Variants in NTN1 observed in about 807,000 individuals in gnomAD.
NTN1 encodes netrin-1.
NTN1 carries 11 observed loss-of-function variants against 54.2 expected under a neutral mutation model. That is an observed-to-expected ratio of 0.20 (90% CI 0.13 to 0.34). The LOEUF (loss-of-function observed/expected upper bound fraction) is 0.34, where lower values mean the gene tolerates loss of function less well. Among genes scored for constraint, NTN1 ranks in the 10% least tolerant of loss-of-function variants. The pLI is 1.00. For synonymous variants in NTN1, 371 were observed against 382.0 expected (o/e 0.97, Z 0.33); for missense variants, 740 against 893.1 (o/e 0.83, Z 2.18).
the NTN1 span, among the ~76,000 whole-genome samples, chr17:9,008,758 C>A: frequency 1.3e-5 from 2 of 152,198 alleles, no homozygotes; most frequent in Non-Finnish European, 2.9e-5. Flanking sequence ...AGATTACTAT[C>A]CACATTTTTC....
chr17:9,149,613 C>T (rs1427812310), intron 2 of NTN1, among the ~76,000 whole-genome samples: 3 of 152,132 alleles, frequency 2.0e-5, no homozygotes, highest in Non-Finnish European at 4.4e-5. Flanking sequence ...ATCTCTTCTT[C>T]TACAAGAGGG....
chr17:9,220,785 G>A (rs1363163924), intron 5 of NTN1, among the ~76,000 whole-genome samples: 1 of 152,106 alleles, frequency 6.6e-6, no homozygotes, highest in Non-Finnish European at 1.5e-5. Flanking sequence ...CAGACCCAGG[G>A]CGCGGGGTGA....
At chr17:9,179,709 G>A in intron 3 of NTN1, 98 bp from the exon 4 acceptor site, 5 of 1,435,152 alleles carry the variant, frequency 3.5e-6, no homozygotes, top group South Asian at 1.4e-5. Flanking sequence ...TTCCTCCAGG[G>A]CAGGGTCCAT....
chr17:9,192,121 A>G (rs1904479499), intron 5 of NTN1, among the ~76,000 whole-genome samples: 1 of 152,198 alleles, frequency 6.6e-6, no homozygotes, highest in Non-Finnish European at 1.5e-5. Flanking sequence ...TATGAAGGGT[A>G]ATTTGGCATT....
chr17:9,204,290 TTCTC>T (rs72069347), intron 5 of NTN1, among the ~76,000 whole-genome samples: 2,790 of 143,516 alleles, frequency 0.019, 102 homozygotes, highest in African/African-American at 0.071. Context: ...CTCTATCTCT[TTCTC>T]TCTCTCTCTC....
intron 5 of NTN1, among the ~76,000 whole-genome samples, chr17:9,188,369 A>G (rs1904341053): frequency 6.6e-6 from 1 of 150,604 alleles, no homozygotes; most frequent in Non-Finnish European, 1.5e-5. Flanking sequence ...TGGAGGTTGC[A>G]GTGAGCTGAG....
At chr17:9,213,182 GC>G (rs1905149046) in intron 5 of NTN1, among the ~76,000 whole-genome samples, 2 of 152,242 alleles carry the variant, frequency 1.3e-5, no homozygotes. Context: ...TGGGCCTGCT[GC>G]GAGCCAGGCA....
At position 9,116,848 on chromosome 17, in the gene NTN1, C is replaced by T. The variant is rs116876265; in HGVS notation, c.1019-45965C>T. On this transcript the variant is annotated intron_variant, in intron 2 of 6. Transcript: ENST00000173229. Reference sequence around the variant, plus strand: ...GAAGGAGAAAGGTGGAGGCATATTCCACTCTATGAAAGGACGAGTATGGGA... The same window carrying T: ...GAAGGAGAAAGGTGGAGGCATATTCTACTCTATGAAAGGACGAGTATGGGA... Among the ~76,000 whole-genome samples the T allele has an allele frequency of 3.4e-4, 51 of 151,558 alleles. 1 individual carries two copies. In the East Asian group the frequency reaches 9.5e-3, roughly 28 times the overall value.
chr17:9,137,508 G>A lies in NTN1; in HGVS notation c.1019-25305G>A, dbSNP rs767964440. On this transcript the variant is annotated intron_variant, in intron 2 of 6. Coordinates refer to ENST00000173229, the MANE Select transcript of NTN1 (RefSeq NM_004822.3). ...GTGTCTCTACCTGTAAGAGTTGACCGGCGGCCTGGCACAATGGCTCACGCC... is the reference window on the plus strand; with the variant it reads ...GTGTCTCTACCTGTAAGAGTTGACCAGCGGCCTGGCACAATGGCTCACGCC... 4.6e-5 allele frequency among the ~76,000 whole-genome samples: 7 copies of A among 152,262 alleles called. 1 individual carries two copies. Among genetic ancestry groups the A allele is most frequent in the South Asian group, 4.2e-4 (2 of 4,814 alleles).
chr17:9,160,863 G>A (rs1309992173), intron 2 of NTN1, among the ~76,000 whole-genome samples: 1 of 152,088 alleles, frequency 6.6e-6, no homozygotes. Context: ...AGGCTGAGGT[G>A]GGAGGATCTG....
intron 3 of NTN1, chr17:9,176,083 A>C (rs1447917725): frequency 6.6e-6 from 1 of 151,540 alleles, no homozygotes; most frequent in Non-Finnish European, 1.5e-5. Context: ...CTCACCAGAC[A>C]CCCCCACCAC....
chr17:9,204,403 T>C (rs1053775762), intron 5 of NTN1, among the ~76,000 whole-genome samples: 4 of 152,028 alleles, frequency 2.6e-5, no homozygotes, highest in African/African-American at 9.7e-5. Context: ...AAGTGATTCT[T>C]CTGCCTCAGC....
intron 2 of NTN1, among the ~76,000 whole-genome samples, chr17:9,032,156 C>T (rs935009224): frequency 6.6e-6 from 1 of 151,980 alleles, no homozygotes; most frequent in Non-Finnish European, 1.5e-5. Context: ...CAGGGAGGGG[C>T]CGAGGGTCTT....
chr17:9,081,395 A>G (rs576608622), intron 2 of NTN1, among the ~76,000 whole-genome samples: 3 of 152,060 alleles, frequency 2.0e-5, no homozygotes, highest in African/African-American at 7.2e-5. Flanking sequence ...TTAATCTTTG[A>G]CGTCTCAACC....
chr17:9,013,418 G>T, the NTN1 span, among the ~76,000 whole-genome samples: 6 of 152,070 alleles, frequency 3.9e-5, no homozygotes, highest in Non-Finnish European at 8.8e-5. Context: ...GTTTCTCCAT[G>T]TTGGTCAGGC....
chr17:9,192,469 AG>A (rs936490896), intron 5 of NTN1, among the ~76,000 whole-genome samples: 2 of 152,186 alleles, frequency 1.3e-5, no homozygotes, highest in African/African-American at 4.8e-5. Flanking sequence ...TTCTGTTTGT[AG>A]ATTTCAGTGG....
chr17:9,099,458 T>C (rs1411130501), intron 2 of NTN1, among the ~76,000 whole-genome samples: 3 of 152,202 alleles, frequency 2.0e-5, no homozygotes, highest in Non-Finnish European at 2.9e-5. Context: ...AGTAATTTAT[T>C]TGACCAAACA....
intron 2 of NTN1, among the ~76,000 whole-genome samples, chr17:9,049,191 G>T (rs1016615654): frequency 6.6e-6 from 1 of 152,228 alleles, no homozygotes; most frequent in African/African-American, 2.4e-5. Flanking sequence ...CAAAAAGTTC[G>T]TGGTAATAGT....
intron 5 of NTN1, among the ~76,000 whole-genome samples, chr17:9,193,079 C>CAAAA (rs528295578): frequency 9.4e-6 from 1 of 105,928 alleles, no homozygotes; most frequent in African/African-American, 3.6e-5. Context: ...GACTCTGTCT[C>CAAAA]AAAAAAAAAA....
Sources: gnomAD v4.1 joint callset for allele counts (sites outside exome capture counted in the v4.1 genomes callset) on GRCh38, gnomAD v4.1.1 for gene constraint, MANE v1.5 for transcripts, NCBI Gene and HGNC (gene_info 2026-07-23, HGNC 2026-07-21) for gene names.